Variants in ZNF675 observed in about 807,000 individuals in gnomAD.
ZNF675 encodes TRAF6 inhibitory zinc finger.
In ZNF675, 36 loss-of-function variants were observed where a neutral mutation model predicts 56.1. That is an observed-to-expected ratio of 0.64 (90% CI 0.49 to 0.85). The LOEUF (loss-of-function observed/expected upper bound fraction) is 0.85, where lower values mean the gene tolerates loss of function less well. ZNF675 is among the 40% of genes least tolerant of loss of function. The pLI, the probability that ZNF675 is intolerant of heterozygous loss-of-function variation, is 0.00. For synonymous variants in ZNF675, 200 were observed against 218.9 expected (o/e 0.91, Z 0.76); for missense variants, 663 against 654.2 (o/e 1.01, Z -0.15).
chr19:23,665,863 C>T (rs1968144599), intron 1 of ZNF675, among the ~76,000 whole-genome samples: 1 of 152,152 alleles, frequency 6.6e-6, no homozygotes, highest in Admixed American at 6.5e-5. Flanking sequence ...TCATGATTAG[C>T]ATTAGAGAAA....
In ZNF675 at chr19:23,653,049, T is replaced by A. The variant is rs1967931688; in HGVS notation, c.*177A>T. 5.0e-6 allele frequency: 3 copies of A among 601,278 alleles called. No homozygotes were observed. Among genetic ancestry groups the A allele is most frequent in the Non-Finnish European group, 8.3e-6 (3 of 362,462 alleles). The allele number at this position is 601,278 out of a possible 1,614,324, so 37.2% of individuals were successfully genotyped here. The stretch of plus-strand genomic sequence containing the variant: ...CTGTGCAATAAGGTTTGAGCCTTAA[T>A]TAACAGTATTGCCAAATTCTTCACA... On this transcript the variant is annotated 3_prime_UTR_variant, in exon 4 of 4. Coordinates refer to ENST00000359788, the MANE Select transcript of ZNF675 (RefSeq NM_138330.3).
intron 1 of ZNF675, among the ~76,000 whole-genome samples, chr19:23,682,395 G>A (rs1471240425): frequency 6.6e-6 from 1 of 151,574 alleles, no homozygotes; most frequent in Non-Finnish European, 1.5e-5. Flanking sequence ...ATACTCCTTT[G>A]GAATTAAAAT....
chr19:23,666,670 C>T (rs925115826), intron 1 of ZNF675, among the ~76,000 whole-genome samples: 19 of 152,086 alleles, frequency 1.2e-4, no homozygotes, highest in Admixed American at 6.6e-5. Context: ...AGACCCTCTA[C>T]TGGTAACTTA....
rs760389706 is a variant in ZNF675, at chr19:23,674,151, C to T, written c.4-10993G>A. On this transcript the variant is annotated intron_variant, in intron 1 of 3. Coordinates refer to ENST00000359788, the MANE Select transcript of ZNF675 (RefSeq NM_138330.3). The stretch of plus-strand genomic sequence containing the variant: ...CCGGGAGGCAGAGGTTGCAGTGAGC[C>T]GAGATCAAGCCATTGCACTCCAGCC... 4.2e-4 allele frequency among the ~76,000 whole-genome samples: 64 copies of T among 151,222 alleles called. 1 individual carries two copies. The highest frequency in any genetic ancestry group is 1.4e-3 in the African/African-American group (57 of 40,872).
chr19:23,670,533 G>A (rs1354084585), intron 1 of ZNF675, among the ~76,000 whole-genome samples: 5 of 152,014 alleles, frequency 3.3e-5, no homozygotes, highest in Non-Finnish European at 7.4e-5. Context: ...GACCATCCTT[G>A]CCAAGCGACC....
chr19:23,661,463 A>G (rs1352840279), intron 3 of ZNF675, among the ~76,000 whole-genome samples: 2 of 152,018 alleles, frequency 1.3e-5, no homozygotes, highest in Admixed American at 6.6e-5. Flanking sequence ...AGCCAAGGTA[A>G]GCAAATGACC....
chr19:23,658,315 T>C (rs960716079), intron 3 of ZNF675: 1 of 150,830 alleles, frequency 6.6e-6, no homozygotes, highest in African/African-American at 2.4e-5. Flanking sequence ...GAGTCAAGAT[T>C]GCACCATTGC....
chr19:23,685,399 TAG>T (rs1382821491), intron 1 of ZNF675, among the ~76,000 whole-genome samples: 1 of 152,186 alleles, frequency 6.6e-6, no homozygotes, highest in African/African-American at 2.4e-5. Context: ...TTATATTCAC[TAG>T]ACACTCGAGC....
intron 1 of ZNF675, among the ~76,000 whole-genome samples, chr19:23,665,557 G>T (rs1178635162): frequency 6.6e-6 from 1 of 151,762 alleles, no homozygotes; most frequent in Admixed American, 6.6e-5. Flanking sequence ...GTGCAGTGGC[G>T]TGATCTCGAC....
rs1181011343 is a variant in ZNF675, at chr19:23,653,066, T to C, written c.*160A>G. On this transcript the variant is annotated 3_prime_UTR_variant, in exon 4 of 4. Transcript: ENST00000359788. ...AGCCTTAATTAACAGTATTGCCAAA[T>C]TCTTCACACTTGTAGTTTTCTCCAG... is the stretch of plus-strand genomic sequence containing the variant. The C allele has an allele frequency of 5.7e-6, 4 of 697,700 alleles. No individual in the cohort carries two copies. The highest frequency in any genetic ancestry group is 9.0e-6 in the Non-Finnish European group (4 of 443,752). The allele number at this position is 697,700 out of a possible 1,614,324, so 43.2% of individuals were successfully genotyped here.
At position 23,652,961 on chromosome 19, in the gene ZNF675, G is replaced by A. The variant is rs1967930655; in HGVS notation, c.*265C>T. 3.5e-6 allele frequency: 1 copy of A among 288,476 alleles called. No homozygotes were observed. The highest frequency in any genetic ancestry group is 2.2e-5 in the African/African-American group (1 of 46,014). 17.9% of individuals were successfully genotyped at this position (288,476 alleles called of 1,614,324 possible). ...ACATTCTGATATTAAGATGTCAACA[G>A]ATATTAATGGCTATTTTACACTCTT... On this transcript the variant is annotated 3_prime_UTR_variant, in exon 4 of 4. Coordinates refer to ENST00000359788, the MANE Select transcript of ZNF675 (RefSeq NM_138330.3).
At chr19:23,657,085 C>A (rs971193750) in intron 3 of ZNF675, 1 of 152,114 alleles carries the variant, frequency 6.6e-6, no homozygotes, top group Non-Finnish European at 1.5e-5. Context: ...CAGGTGCACA[C>A]CACCATGCCT....
rs760640695 is a variant in ZNF675 at position 23,653,188 on chromosome 19, T to C, written c.*38A>G. Reference sequence around the variant, plus strand: ...AATTTTTCACCAGTATGATTTCCTTTATATTTAGAAAAATTTGAGGTGTTG... The same window carrying C: ...AATTTTTCACCAGTATGATTTCCTTCATATTTAGAAAAATTTGAGGTGTTG... On this transcript the variant is annotated 3_prime_UTR_variant, in exon 4 of 4. Coordinates refer to ENST00000359788, the MANE Select transcript of ZNF675 (RefSeq NM_138330.3). The C allele has an allele frequency of 3.9e-6, 6 of 1,523,788 alleles. No individual in the cohort carries two copies. In the Admixed American group the frequency reaches 8.7e-5, roughly 22 times the overall value. The allele number at this position is 1,523,788 out of a possible 1,614,324, so 94.4% of individuals were successfully genotyped here. A position where few individuals can be genotyped will look rare whatever the true frequency, so the allele number is the denominator to read the frequency against.
intron 1 of ZNF675, among the ~76,000 whole-genome samples, chr19:23,670,698 G>C (rs994203501): frequency 1.3e-5 from 2 of 152,022 alleles, no homozygotes; most frequent in Non-Finnish European, 2.9e-5. Flanking sequence ...CCTAGTGAAG[G>C]TCCCCTTCTC....
At chr19:23,671,492 A>T (rs1353240784) in intron 1 of ZNF675, among the ~76,000 whole-genome samples, 1 of 152,134 alleles carries the variant, frequency 6.6e-6, no homozygotes, top group East Asian at 1.9e-4. Flanking sequence ...GCAAAGGGAT[A>T]TACTAAGCCC....
chr19:23,653,643 G>C lies in ZNF675; in HGVS notation c.1290C>G (p.Gly430=). The part of the protein sequence containing the change: ...GEKPYKCEEC[G]KAFNRSSKLT... ...GTTTTGAGGATCGGTTAAAAGCTTT[G>C]CCACATTCTTCACATTTGTAGGGTT... Residue 430 remains glycine (G), a synonymous_variant, in exon 4 of 4, where the codon GGC becomes GGG. Coordinates refer to ENST00000359788, the MANE Select transcript of ZNF675 (RefSeq NM_138330.3). 6.2e-7 allele frequency: 1 copy of C among 1,612,738 alleles called. No individual in the cohort carries two copies. The highest frequency in any genetic ancestry group is 8.5e-7 in the Non-Finnish European group (1 of 1,179,756).
Position 23,654,412 on chromosome 19 carries a change from C to T in ZNF675, c.521G>A (p.Cys174Tyr), listed in dbSNP as rs1967954499. 2 of 1,610,558 alleles carry T rather than the reference C, an allele frequency of 1.2e-6. No individual in the cohort carries two copies. Residue 174 changes from cysteine (C) to tyrosine (Y), a missense_variant, in exon 4 of 4, where the codon TGT becomes TAT. Around this residue, in one of 3 missense-constraint regions of ZNF675, gnomAD observed 617 missense variants for 590.5 expected, o/e 1.04. Transcript: ENST00000359788. ...IKHMENKPFK[C>Y]KECGRSFCML... ...GCAAAATGATCTGCCACATTCTTTA[C>T]ATTTGAAAGGTTTATTTTCCATATG... is the stretch of plus-strand genomic sequence containing the variant.
At position 23,683,343 on chromosome 19, in the gene ZNF675, A is replaced by T. The variant is rs1203861563; in HGVS notation, c.3+3688T>A. On this transcript the variant is annotated intron_variant, in intron 1 of 3. Coordinates refer to ENST00000359788, the MANE Select transcript of ZNF675 (RefSeq NM_138330.3). The stretch of plus-strand genomic sequence containing the variant: ...TTCACTGCCACAAATTTATGGTGCA[A>T]AAAGAGGAACTATGTTTTCATGAAT... Among the ~76,000 whole-genome samples the T allele has an allele frequency of 2.6e-5, 4 of 151,780 alleles. 1 individual carries two copies. Among genetic ancestry groups the T allele is most frequent in the African/African-American group, 9.7e-5 (4 of 41,050 alleles).
chr19:23,658,992 G>GATATCT, intron 3 of ZNF675, among the ~76,000 whole-genome samples: 1 of 128,020 alleles, frequency 7.8e-6, no homozygotes, highest in South Asian at 2.6e-4. Flanking sequence ...GATAGAGATC[G>GATATCT]AGATCTATAT....
Sources: allele counts gnomAD v4.1 joint callset (sites outside exome capture counted in the v4.1 genomes callset), GRCh38; gene constraint gnomAD v4.1.1; regional missense constraint gnomAD v4.1.1; transcripts MANE v1.5; gene names NCBI Gene and HGNC (gene_info 2026-07-23, HGNC 2026-07-21).